Variants in DNAH5 observed in about 807,000 individuals in gnomAD.
The protein encoded by DNAH5 is axonemal beta dynein heavy chain 5.
DNAH5 carries 372 observed loss-of-function variants against 518.2 expected under a neutral mutation model. The ratio of observed to expected loss-of-function variants is 0.72; its 90% CI spans 0.66 to 0.78. DNAH5 has a LOEUF of 0.78. DNAH5 is among the 30% of genes least tolerant of loss of function. The pLI is 0.00. For synonymous variants in DNAH5, 2,039 were observed against 2,025.9 expected (o/e 1.01, Z -0.17); for missense variants, 5,523 against 5,687.0 (o/e 0.97, Z 0.93).
intron 30 of DNAH5, among the ~76,000 whole-genome samples, chr5:13,852,452 C>A (rs1056605930): frequency 6.7e-6 from 1 of 148,500 alleles, no homozygotes; most frequent in Non-Finnish European, 1.5e-5. Flanking sequence ...CAGGCGTGAG[C>A]CACCACGCCC....
At position 13,848,281 on chromosome 5, in the gene DNAH5, A is replaced by G. The variant is rs188671813; in HGVS notation, c.5114+2371T>C. 2.4e-3 allele frequency among the ~76,000 whole-genome samples: 360 copies of G among 152,328 alleles called. 2 individuals carry two copies. Among genetic ancestry groups the G allele is most frequent in the African/African-American group, 8.1e-3 (337 of 41,588 alleles). On this transcript the variant is annotated intron_variant, in intron 31 of 78. Transcript: ENST00000265104. ...AATGGTTTTGCTTTAAAGTAAACAA[A>G]GGGTGCTTTACTGACGTTGGCGTTG...
At chr5:13,988,457 A>T (rs1783220558) in intron 1 of DNAH5, among the ~76,000 whole-genome samples, 1 of 151,338 alleles carries the variant, frequency 6.6e-6, no homozygotes, top group Admixed American at 6.6e-5. Context: ...TGGCTCGGGT[A>T]CCCAGGCTGG....
At chr5:13,720,456 G>A (rs1213719447) in intron 71 of DNAH5, among the ~76,000 whole-genome samples, 1 of 152,148 alleles carries the variant, frequency 6.6e-6, no homozygotes, top group Non-Finnish European at 1.5e-5. Flanking sequence ...GGACTGCAGT[G>A]ACTGCAGCCT....
chr5:13,906,075 T>C (rs897016178), intron 12 of DNAH5, among the ~76,000 whole-genome samples: 1 of 152,106 alleles, frequency 6.6e-6, no homozygotes, highest in Non-Finnish European at 1.5e-5. Context: ...CAAAACTACA[T>C]AGACAGTAAA....
At chr5:13,718,708 G>A (rs939731543) in intron 72 of DNAH5, among the ~76,000 whole-genome samples, 174 bp downstream of exon 72, 1 of 152,202 alleles carries the variant, frequency 6.6e-6, no homozygotes, top group African/African-American at 2.4e-5. Context: ...CATGAGCTCT[G>A]ATTCTTTCAC....
In DNAH5 at chr5:13,759,446, A is replaced by T. The variant is rs192922298; in HGVS notation, c.10282-463T>A. ...AAAACATGCTAATATTGAGAGTTGT[A>T]GAAAAAAACAATATTTAGAACTATC... On this transcript the variant is annotated intron_variant, in intron 60 of 78. Coordinates refer to ENST00000265104, the MANE Select transcript of DNAH5 (RefSeq NM_001369.3). Among the ~76,000 whole-genome samples the T allele has an allele frequency of 5.1e-4, 78 of 152,366 alleles. No homozygotes were observed. The East Asian group carries it at 0.011, about 22-fold the overall frequency.
At chr5:13,732,930 C>T (rs80306339) in intron 68 of DNAH5, among the ~76,000 whole-genome samples, 3,641 of 152,254 alleles carry the variant, frequency 0.024, 122 homozygotes, top group African/African-American at 0.076. Context: ...GGCAGATTTG[C>T]AACATAATCC....
rs765104542 is a variant in DNAH5 at position 13,769,097 on chromosome 5, T to G, written c.9760A>C (p.Lys3254Gln). 1.5e-5 allele frequency: 24 copies of G among 1,614,088 alleles called. No individual in the cohort carries two copies. The highest frequency in any genetic ancestry group is 1.9e-5 in the Non-Finnish European group (23 of 1,180,042). Reference sequence around the variant, plus strand: ...ACCTTCTGTACCTCAGCCTTGACCTTTTCAGCAGCCTGTGCTTTCATTGTC... The same window carrying G: ...ACCTTCTGTACCTCAGCCTTGACCTGTTCAGCAGCCTGTGCTTTCATTGTC... ...EVTMKAQAAE[K>Q]VKAEVQKVKD... Residue 3254 changes from lysine to glutamine, a missense_variant, in exon 58 of 79, where the codon AAG becomes CAG. Coordinates refer to ENST00000265104, the MANE Select transcript of DNAH5 (RefSeq NM_001369.3).
intron 69 of DNAH5, 43 bp downstream of exon 69, chr5:13,729,396 G>T (rs760266144): frequency 1.2e-6 from 2 of 1,612,262 alleles, no homozygotes; most frequent in Non-Finnish European, 1.7e-6. Context: ...TCAGAAAGCT[G>T]CTCAACATGA....
intron 1 of DNAH5, among the ~76,000 whole-genome samples, chr5:13,931,751 G>C (rs1778449229): frequency 6.6e-6 from 1 of 152,174 alleles, no homozygotes; most frequent in South Asian, 2.1e-4. Flanking sequence ...AATAAGGCAT[G>C]CTTAATGTAA....
In DNAH5 at chr5:13,864,474, G is replaced by C; in HGVS notation, c.4519C>G (p.Leu1507Val). The part of the protein sequence containing the change: ...ERITTLTGHS[L>V]DVGNESFKLR... ...TTAAAGCTTTCATTCCCCACATCCA[G>C]ACTGTGCCCGGTGAGGGTGGTTATC... The change falls in exon 28 of 79, where the codon CTG becomes GTG. Residue 1507 changes from leucine (L) to valine (V), a missense_variant. Around this residue, in one of 3 missense-constraint regions of DNAH5, gnomAD observed 5,121 missense variants for 5,223.3 expected, o/e 0.98. Coordinates refer to ENST00000265104, the MANE Select transcript of DNAH5 (RefSeq NM_001369.3). 3.7e-6 allele frequency: 6 copies of C among 1,614,064 alleles called. No individual in the cohort carries two copies. The highest frequency in any genetic ancestry group is 5.1e-6 in the Non-Finnish European group (6 of 1,179,998).
At position 13,841,679 on chromosome 5, in the gene DNAH5, T is replaced by G; in HGVS notation, c.5484+13A>C. The G allele has an allele frequency of 2.5e-6, 4 of 1,596,120 alleles. No individual in the cohort carries two copies. The African/African-American group carries it at 4.0e-5, about 16-fold the overall frequency. On this transcript the variant is annotated intron_variant, in intron 33 of 78. Coordinates refer to ENST00000265104, the MANE Select transcript of DNAH5 (RefSeq NM_001369.3). ...ATTTTACAAAACATACTTTCAAATTTCAATACACTGACCTGAGCAGGGAAG... is the reference window on the plus strand; with the variant it reads ...ATTTTACAAAACATACTTTCAAATTGCAATACACTGACCTGAGCAGGGAAG...
At chr5:13,946,965 T>C (rs1476046299), upstream of DNAH5, among the ~76,000 whole-genome samples, 7 of 152,244 alleles carry the variant, frequency 4.6e-5, no homozygotes. Flanking sequence ...AATTATCCTA[T>C]GCAACACTCG....
intron 2 of DNAH5, 124 bp from the exon 3 acceptor site, chr5:13,928,302 T>A: frequency 1.5e-6 from 1 of 687,014 alleles, no homozygotes. Context: ...CAGGACTGCA[T>A]CTAATGTATC....
Position 13,820,341 on chromosome 5 carries a change from T to C in DNAH5, c.6841+5A>G, listed in dbSNP as rs1251726540. 3 of 1,608,416 alleles carry C rather than the reference T, an allele frequency of 1.9e-6. No homozygotes were observed. The highest frequency in any genetic ancestry group is 2.5e-6 in the Non-Finnish European group (3 of 1,179,990). ...CCCCAGGCATTGACCTTGGCTGCCC[T>C]GTACCTGTCATGGCTCTCATCAAGG... is the stretch of plus-strand genomic sequence containing the variant. On this transcript the variant is annotated splice_donor_5th_base_variant and intron_variant, in intron 41 of 78. Transcript: ENST00000265104.
Position 13,769,247 on chromosome 5 carries a change from GTTTTTTTTT to G in DNAH5, c.9721-120_9721-112del, listed in dbSNP as rs36092508. The stretch of plus-strand genomic sequence containing the variant: ...TTTTGTTCACTTACCCAGTTTTGTT[GTTTTTTTTT>G]TTTTTTTTTGAGATGGAGTCTCGCT... On this transcript the variant is annotated intron_variant, in intron 57 of 78. Transcript: ENST00000265104. 316 of 747,612 alleles carry G rather than the reference GTTTTTTTTT, an allele frequency of 4.2e-4. 6 individuals are homozygous for G. The highest frequency in any genetic ancestry group is 3.8e-4 in the Admixed American group (13 of 34,342). The allele number at this position is 747,612 out of a possible 1,614,324, so 46.3% of individuals were successfully genotyped here. A position where few individuals can be genotyped will look rare whatever the true frequency, so the allele number is the denominator to read the frequency against.
chr5:13,871,066 T>C (rs1218107529), intron 23 of DNAH5, 64 bp from the exon 24 acceptor site: 2 of 1,258,928 alleles, frequency 1.6e-6, no homozygotes, highest in East Asian at 4.7e-5. Context: ...AAAGTCAAAC[T>C]GTCGCTGTTC....
intron 53 of DNAH5, among the ~76,000 whole-genome samples, chr5:13,780,008 T>A (rs192595200): frequency 1.3e-5 from 2 of 152,314 alleles, no homozygotes; most frequent in Non-Finnish European, 2.9e-5. Flanking sequence ...AGTCTGACTT[T>A]TTATCATCAC....
chr5:13,791,054 TA>T (rs1403962112), intron 50 of DNAH5, among the ~76,000 whole-genome samples: 1 of 152,074 alleles, frequency 6.6e-6, no homozygotes, highest in Non-Finnish European at 1.5e-5. Flanking sequence ...CCTTCACGTG[TA>T]CCCCCAAACC....
Sources: gnomAD v4.1 joint callset for allele counts (sites outside exome capture counted in the v4.1 genomes callset) on GRCh38, gnomAD v4.1.1 for gene constraint, gnomAD v4.1.1 regional missense constraint, MANE v1.5 for transcripts, NCBI Gene and HGNC (gene_info 2026-07-23, HGNC 2026-07-21) for gene names.